Variants in PCDHGA1 observed in about 807,000 individuals in gnomAD.
The protein encoded by PCDHGA1 is protocadherin gamma-A1.
A neutral mutation model predicts 58.0 loss-of-function variants in PCDHGA1; 32 were observed. The ratio of observed to expected loss-of-function variants is 0.55; its 90% CI spans 0.42 to 0.74. PCDHGA1 has a LOEUF of 0.74. Ranked by LOEUF, PCDHGA1 falls within the 30% of genes least tolerant of loss-of-function variation. The pLI, the probability that PCDHGA1 is intolerant of heterozygous loss-of-function variation, is 0.00. For missense variants in PCDHGA1, 1,205 were observed against 1,182.3 expected, an observed-to-expected ratio of 1.02 and a Z score of -0.28; for synonymous variants, 498 against 501.1, an observed-to-expected ratio of 0.99 and a Z score of 0.08.
intron 1 of PCDHGA1, chr5:141,409,995 C>T: frequency 1.2e-6 from 2 of 1,613,308 alleles, no homozygotes; most frequent in Non-Finnish European, 1.7e-6. Context: ...GACGCCGACT[C>T]GGGACACAAC....
intron 1 of PCDHGA1, chr5:141,360,857 T>G: frequency 6.2e-7 from 1 of 1,613,894 alleles, no homozygotes; most frequent in Non-Finnish European, 8.5e-7. Flanking sequence ...AACCCTCCAG[T>G]GTTCAGCCAG....
chr5:141,427,887 C>G, intron 1 of PCDHGA1: 1 of 1,565,908 alleles, frequency 6.4e-7, no homozygotes, highest in South Asian at 1.1e-5. Flanking sequence ...GGCCCACGAC[C>G]AGGGCTCGCC....
intron 1 of PCDHGA1, among the ~76,000 whole-genome samples, chr5:141,448,917 C>T (rs913804081): frequency 2.6e-5 from 4 of 152,130 alleles, no homozygotes; most frequent in African/African-American, 9.7e-5. Context: ...TGCACTCCAG[C>T]CTGGGCGACA....
chr5:141,355,407 AG>A (rs1759842814), intron 1 of PCDHGA1: 1 of 1,614,050 alleles, frequency 6.2e-7, no homozygotes, highest in Non-Finnish European at 8.5e-7. Context: ...TCGTCTCCAG[AG>A]GTAGGACGCA....
chr5:141,389,171 C>G (rs772221999), intron 1 of PCDHGA1: 11 of 1,613,892 alleles, frequency 6.8e-6, no homozygotes, highest in Admixed American at 3.3e-5. Context: ...GCAAGCCTCC[C>G]CTCTCCTCCA....
intron 1 of PCDHGA1, chr5:141,344,738 A>G: frequency 1.2e-6 from 2 of 1,613,992 alleles, no homozygotes; most frequent in Non-Finnish European, 1.7e-6. Flanking sequence ...TCCTGGATGC[A>G]AATGACAACC....
intron 1 of PCDHGA1, chr5:141,388,548 C>A: frequency 6.2e-7 from 1 of 1,613,842 alleles, no homozygotes; most frequent in Non-Finnish European, 8.5e-7. Flanking sequence ...AGCTCCACCC[C>A]TAAGCAGCAC....
At chr5:141,356,862 C>A (rs767656951) in intron 1 of PCDHGA1, 1 of 1,614,204 alleles carries the variant, frequency 6.2e-7, no homozygotes, top group Admixed American at 1.7e-5. Flanking sequence ...TTGTGCTGGA[C>A]CAGAACGACA....
intron 1 of PCDHGA1, chr5:141,441,144 T>C (rs141609485): frequency 6.6e-6 from 1 of 152,296 alleles, no homozygotes; most frequent in African/African-American, 2.4e-5. Context: ...TAGAAGATAA[T>C]GACAATATCC....
chr5:141,430,826 C>T (rs993762069), intron 1 of PCDHGA1: 1 of 1,550,298 alleles, frequency 6.5e-7, no homozygotes, highest in Non-Finnish European at 8.7e-7. Context: ...CCTGGGGACT[C>T]TGTGGGAGAC....
intron 1 of PCDHGA1, chr5:141,392,785 T>C: frequency 1.3e-6 from 2 of 1,549,118 alleles, no homozygotes; most frequent in Non-Finnish European, 1.7e-6. Flanking sequence ...ACAGTGAAGA[T>C]TCTGAGAGGA....
intron 1 of PCDHGA1, chr5:141,350,307 T>C: frequency 2.0e-6 from 3 of 1,522,122 alleles, no homozygotes; most frequent in Non-Finnish European, 2.6e-6. Context: ...CAGGTACTGT[T>C]TCCCTTCCTG....
intron 1 of PCDHGA1, among the ~76,000 whole-genome samples, chr5:141,479,998 G>A (rs2099511091): frequency 6.6e-6 from 1 of 152,272 alleles, no homozygotes; most frequent in South Asian, 2.1e-4. Flanking sequence ...AGGAGTCTGT[G>A]GCCAAGTTAC....
Position 141,360,898 on chromosome 5 carries a change from G to C in PCDHGA1, c.2421+27793G>C, listed in dbSNP as rs1252117170. On this transcript the variant is annotated intron_variant, in intron 1 of 3. Coordinates refer to ENST00000517417, the MANE Select transcript of PCDHGA1 (RefSeq NM_018912.3). Reference sequence around the variant, plus strand: ...GTACAGGGTCACCCTGAGGGAGGACGTGCCGCCGGGCTTCTTTGTGCTTCA... The same window carrying C: ...GTACAGGGTCACCCTGAGGGAGGACCTGCCGCCGGGCTTCTTTGTGCTTCA... 7 of 1,613,922 alleles carry C rather than the reference G, an allele frequency of 4.3e-6. No individual in the cohort carries two copies. Among genetic ancestry groups the C allele is most frequent in the South Asian group, 2.2e-5 (2 of 91,090 alleles).
intron 1 of PCDHGA1, among the ~76,000 whole-genome samples, chr5:141,338,188 T>C (rs1287774112): frequency 6.6e-6 from 1 of 152,216 alleles, no homozygotes; most frequent in Admixed American, 6.5e-5. Context: ...CTTTACTTTC[T>C]TATGTCCTCC....
intron 1 of PCDHGA1, chr5:141,383,672 G>A: frequency 6.2e-7 from 1 of 1,614,030 alleles, no homozygotes; most frequent in Non-Finnish European, 8.5e-7. Flanking sequence ...GTGCCAGTGG[G>A]TACAAGACTG....
intron 1 of PCDHGA1, among the ~76,000 whole-genome samples, chr5:141,456,729 C>T (rs1337183677): frequency 6.6e-6 from 1 of 152,158 alleles, no homozygotes; most frequent in Non-Finnish European, 1.5e-5. Context: ...CTTTGGGAGG[C>T]TGAGGCGGGA....
intron 1 of PCDHGA1, chr5:141,403,720 C>G (rs1266419119): frequency 1.2e-6 from 2 of 1,613,874 alleles, no homozygotes; most frequent in Middle Eastern, 1.6e-4. Context: ...AGAACGTGCC[C>G]CCAGGCACCT....
chr5:141,476,180 C>T lies in PCDHGA1; in HGVS notation c.2422-18627C>T. The T allele has an allele frequency of 1.2e-6, 2 of 1,613,664 alleles. No individual in the cohort carries two copies. Among genetic ancestry groups the T allele is most frequent in the East Asian group, 4.5e-5 (2 of 44,838 alleles). On this transcript the variant is annotated intron_variant, in intron 1 of 3. Transcript: ENST00000517417. The surrounding 1 kb of genome is among the most constrained non-coding windows in gnomAD (Gnocchi z 7.6). ...CGGGAGGGTAGTGGGAGTTTTGCTT[C>T]TGCTTGGTGCCTTGAACAAGGCTTC...
Sources: gnomAD v4.1 joint callset for allele counts (sites outside exome capture counted in the v4.1 genomes callset) on GRCh38, gnomAD v4.1.1 for gene constraint, Gnocchi (gnomAD v3.1) non-coding constraint, MANE v1.5 for transcripts, NCBI Gene and HGNC (gene_info 2026-07-23, HGNC 2026-07-21) for gene names.